The following TRMT2B variants were observed in gnomAD, a reference collection of about 807,000 sequenced individuals.
The protein encoded by TRMT2B is tRNA methyltransferase 2B.
A neutral mutation model predicts 39.7 loss-of-function variants in TRMT2B; 34 were observed. The ratio of observed to expected loss-of-function variants is 0.86; its 90% CI spans 0.65 to 1.14. The LOEUF is 1.14. Ranked by LOEUF, TRMT2B falls within the 50% of genes most tolerant of loss-of-function variation. The pLI is 0.00. For missense variants in TRMT2B, 318 were observed against 377.2 expected, an observed-to-expected ratio of 0.84 and a Z score of 1.30; for synonymous variants, 132 against 137.3, an observed-to-expected ratio of 0.96 and a Z score of 0.27.
chrX:101,021,655 A>C lies in TRMT2B; in HGVS notation c.851+313T>G, dbSNP rs191557525. ...AAGAAAAAAAAAAAGCAAAACAAAA[A>C]AAAGCATCTTGAAATGGCAGACCAT... On this transcript the variant is annotated intron_variant, in intron 9 of 13. Transcript: ENST00000372936. 5.0e-3 allele frequency among the ~76,000 whole-genome samples: 555 copies of C among 111,679 alleles called. 3 individuals are homozygous for C. The highest frequency in any genetic ancestry group is 7.4e-3 in the Non-Finnish European group (391 of 53,034).
chrX:100,982,470 AAAATAAAT>A, the TRMT2B span, among the ~76,000 whole-genome samples: 4,188 of 91,258 alleles, frequency 0.046, 92 homozygotes, highest in Middle Eastern at 0.1. Context: ...CCAGGCTTAA[AAAATAAAT>A]AAATAAATAA....
At chrX:101,007,154 A>G (rs1423271814), downstream of TRMT2B, among the ~76,000 whole-genome samples, 1 of 111,749 alleles carries the variant, frequency 8.9e-6, no homozygotes. Context: ...AGTTAAAAAC[A>G]GAAAGGTAAA....
intron 2 of TRMT2B, among the ~76,000 whole-genome samples, chrX:101,049,486 C>CAAA (rs1556366010): frequency 1.1e-3 from 47 of 43,019 alleles, no homozygotes; most frequent in African/African-American, 3.0e-3. Context: ...GACCCTGTCT[C>CAAA]CAAAAAAAAA....
At chrX:101,026,219 T>A (rs1408369463) in intron 7 of TRMT2B, among the ~76,000 whole-genome samples, 1 of 111,149 alleles carries the variant, frequency 9.0e-6, no homozygotes, top group African/African-American at 3.3e-5. Flanking sequence ...TCGCCTATAA[T>A]CCCAGTATTC....
the TRMT2B span, chrX:100,988,350 TC>T: frequency 8.3e-7 from 1 of 1,205,065 alleles, no homozygotes; most frequent in Non-Finnish European, 1.1e-6. Context: ...CAACTAACTT[TC>T]CCCCCCATCA....
At chrX:101,027,530 C>T (rs73565044) in intron 7 of TRMT2B, among the ~76,000 whole-genome samples, 4,551 of 109,895 alleles carry the variant, frequency 0.041, 256 homozygotes, top group African/African-American at 0.14. Context: ...GCGTGAGCCA[C>T]GGACTCCTGT....
the TRMT2B span, among the ~76,000 whole-genome samples, chrX:101,001,934 C>T: frequency 9.1e-6 from 1 of 110,460 alleles, no homozygotes; most frequent in African/African-American, 3.3e-5. Flanking sequence ...AAGAACAGAT[C>T]CAGAGACAGC....
At position 101,042,161 on chromosome X, in the gene TRMT2B, A is replaced by G. The variant is rs147382506; in HGVS notation, c.129T>C (p.Phe43=). ...ARNPPGWSQL[F]LGTVCKGDFT... is the part of the protein sequence containing the mutation. ...AATCTCCCTTACATACTGTGCCCAG[A>G]AAGAGCTGTGACCATCCTGGTGGAT... Residue 43 remains phenylalanine, a synonymous_variant, in exon 3 of 14, where the codon TTT becomes TTC. Coordinates refer to ENST00000372936, the MANE Select transcript of TRMT2B (RefSeq NM_024917.6). The G allele has an allele frequency of 1.8e-3, 2,171 of 1,210,760 alleles. 2 individuals carry two copies. The highest frequency in any genetic ancestry group is 2.0e-3 in the Non-Finnish European group (1,769 of 895,444).
At chrX:100,990,200 C>A in the TRMT2B span, 3 of 254,658 alleles carry the variant, frequency 1.2e-5, no homozygotes, top group Non-Finnish European at 1.6e-5. Flanking sequence ...GGATGGGCAC[C>A]TCATGGGGTG....
chrX:101,021,376 C>G (rs748846296), intron 9 of TRMT2B, 61 bp from the exon 10 acceptor site: 1 of 1,053,703 alleles, frequency 9.5e-7, no homozygotes, highest in East Asian at 3.1e-5. Flanking sequence ...CGCCTGTAAT[C>G]CCAGCACTTT....
At chrX:100,982,659 T>TA in the TRMT2B span, among the ~76,000 whole-genome samples, 1 of 102,624 alleles carries the variant, frequency 9.7e-6, no homozygotes, top group East Asian at 3.1e-4. Context: ...CTTTTTTTTT[T>TA]TTTTTTGAGA....
intron 2 of TRMT2B, among the ~76,000 whole-genome samples, chrX:101,049,216 G>A (rs2088888060): frequency 9.0e-6 from 1 of 110,676 alleles, no homozygotes; most frequent in Non-Finnish European, 1.9e-5. Flanking sequence ...GTGGCAGCCG[G>A]GTGCAGTGGC....
intron 7 of TRMT2B, among the ~76,000 whole-genome samples, chrX:101,026,286 G>T (rs777081267): frequency 9.1e-6 from 1 of 109,684 alleles, no homozygotes; most frequent in African/African-American, 3.3e-5. Context: ...AGACCAGCCC[G>T]GGCAACATGG....
At chrX:101,023,227 A>G (rs2086884830) in intron 8 of TRMT2B, among the ~76,000 whole-genome samples, 2 of 112,027 alleles carry the variant, frequency 1.8e-5, no homozygotes, top group African/African-American at 3.2e-5. Context: ...ATTACTTGGG[A>G]GTTCTCACAT....
At chrX:100,976,319 G>C in the TRMT2B span, among the ~76,000 whole-genome samples, 1 of 110,428 alleles carries the variant, frequency 9.1e-6, no homozygotes, top group African/African-American at 3.3e-5. Context: ...CTGTGAGAAT[G>C]GTGTGTTTCC....
chrX:100,983,010 G>A, the TRMT2B span, among the ~76,000 whole-genome samples: 1 of 110,878 alleles, frequency 9.0e-6, no homozygotes, highest in African/African-American at 3.3e-5. Flanking sequence ...GTCTGGACTA[G>A]GCTTTAACAA....
chrX:101,007,914 G>C (rs1002266155), downstream of TRMT2B, among the ~76,000 whole-genome samples: 2 of 110,875 alleles, frequency 1.8e-5, no homozygotes, highest in African/African-American at 6.5e-5. Flanking sequence ...GATGACTATT[G>C]CAGCAATAAC....
chrX:101,021,276 C>G lies in TRMT2B; in HGVS notation c.891G>C (p.Gln297His). The G allele has an allele frequency of 1.7e-6, 2 of 1,211,354 alleles. No individual in the cohort carries two copies. The highest frequency in any genetic ancestry group is 2.2e-6 in the Non-Finnish European group (2 of 895,241). Residue 297 changes from glutamine to histidine, a missense_variant, in exon 10 of 14, where the codon CAG (glutamine) becomes CAC (histidine). Physicochemically the swap from Gln to His is conservative, Grantham distance 24. Coordinates refer to ENST00000372936, the MANE Select transcript of TRMT2B (RefSeq NM_024917.6). ...AGATGTAGGGTTCCCCAAACAGAAG[C>G]TGATAGGGAGACTGCTGATGGCTGC... ...TRCSHQQSPY[Q>H]LLFGEPYIFE...
chrX:100,975,471 T>G, the TRMT2B span, among the ~76,000 whole-genome samples: 6 of 111,447 alleles, frequency 5.4e-5, no homozygotes, highest in Non-Finnish European at 1.1e-4. Context: ...ATCCCCTAAA[T>G]TGTGAGCCTC....
Sources: gnomAD v4.1 joint callset for allele counts (sites outside exome capture counted in the v4.1 genomes callset) on GRCh38, gnomAD v4.1.1 for gene constraint, MANE v1.5 for transcripts, NCBI Gene and HGNC (gene_info 2026-07-23, HGNC 2026-07-21) for gene names.